Variants in RGL1 observed in about 807,000 individuals in gnomAD.
The protein encoded by RGL1 is ral guanine nucleotide dissociation stimulator like 1.
A neutral mutation model predicts 95.2 loss-of-function variants in RGL1; 24 were observed. The observed-to-expected ratio is 0.25, with a 90% CI of 0.18 to 0.35. The LOEUF (loss-of-function observed/expected upper bound fraction) is 0.35. RGL1 is among the 10% of genes least tolerant of loss of function. RGL1 has a pLI of 1.00. For missense variants in RGL1, 715 were observed against 936.3 expected (o/e 0.76, Z 3.08); for synonymous variants, 329 against 344.9 (o/e 0.95, Z 0.51).
intron 1 of RGL1, chr1:183,647,770 T>C (rs1650400949): frequency 6.2e-7 from 1 of 1,614,232 alleles, no homozygotes; most frequent in African/African-American, 1.3e-5. Context: ...GACCTTCCAG[T>C]GGGAAGCCTT....
chr1:183,916,101 C>T (rs187838443), intron 15 of RGL1, among the ~76,000 whole-genome samples: 2 of 152,220 alleles, frequency 1.3e-5, no homozygotes, highest in Non-Finnish European at 2.9e-5. Context: ...CCTCCAGCCC[C>T]GTAAGCTTCT....
intron 2 of RGL1, among the ~76,000 whole-genome samples, chr1:183,782,121 G>C (rs540990996): frequency 6.6e-6 from 1 of 152,308 alleles, no homozygotes; most frequent in Admixed American, 6.5e-5. Context: ...TGCTTGGCCA[G>C]AAAAGGATGT....
At chr1:183,735,264 T>C (rs893082951) in intron 1 of RGL1, among the ~76,000 whole-genome samples, 2 of 152,190 alleles carry the variant, frequency 1.3e-5, no homozygotes, top group Non-Finnish European at 2.9e-5. Context: ...ACAGACAGTA[T>C]TGTGCAACCT....
chr1:183,666,350 C>G (rs1344150214), intron 1 of RGL1, among the ~76,000 whole-genome samples: 1 of 151,798 alleles, frequency 6.6e-6, no homozygotes, highest in Non-Finnish European at 1.5e-5. Flanking sequence ...TATATATTTC[C>G]ATCTAATTAT....
At chr1:183,807,555 A>G (rs1284397812) in intron 2 of RGL1, among the ~76,000 whole-genome samples, 1 of 152,090 alleles carries the variant, frequency 6.6e-6, no homozygotes. Context: ...GTGACTTGTA[A>G]CTCCAGGGAG....
At chr1:183,880,464 C>T (rs931756277) in intron 4 of RGL1, 152 bp from the exon 5 acceptor site, 7 of 588,580 alleles carry the variant, frequency 1.2e-5, no homozygotes, top group African/African-American at 1.1e-4. Context: ...GCTTTAAATC[C>T]ATTGATGTTT....
chr1:183,854,931 A>T (rs886318994), intron 3 of RGL1, among the ~76,000 whole-genome samples: 1 of 152,170 alleles, frequency 6.6e-6, no homozygotes, highest in African/African-American at 2.4e-5. Flanking sequence ...TGCTTAAGAG[A>T]TTACTATTAC....
chr1:183,645,298 T>C (rs12042704), intron 1 of RGL1, among the ~76,000 whole-genome samples: 12,422 of 152,286 alleles, frequency 0.082, 996 homozygotes, highest in African/African-American at 0.21. Context: ...AACCTGCTTC[T>C]GATGAGTAAA....
At chr1:183,875,449 C>G (rs1037470337) in intron 4 of RGL1, among the ~76,000 whole-genome samples, 1 of 152,230 alleles carries the variant, frequency 6.6e-6, no homozygotes, top group Non-Finnish European at 1.5e-5. Flanking sequence ...CCTCAGCCCT[C>G]TCTGCATTGC....
intron 3 of RGL1, among the ~76,000 whole-genome samples, chr1:183,852,582 G>C (rs1664889654): frequency 6.6e-6 from 1 of 152,168 alleles, no homozygotes; most frequent in Non-Finnish European, 1.5e-5. Context: ...GGGAGGCTGA[G>C]GCAGGTGGAT....
rs183048982 is a variant in RGL1, at chr1:183,807,020, C to T, written c.138+535C>T. 1.6e-3 allele frequency among the ~76,000 whole-genome samples: 238 copies of T among 152,240 alleles called. 1 individual carries two copies. The highest frequency in any genetic ancestry group is 5.4e-3 in the African/African-American group (226 of 41,536). On this transcript the variant is annotated intron_variant, in intron 2 of 17. Coordinates refer to ENST00000360851, the MANE Select transcript of RGL1 (RefSeq NM_001297671.3). ...GGAGGAGGCAAATGGATGCTTAGTA[C>T]CCACTACTTTGTGTGTAGAGTGGTG... is the stretch of plus-strand genomic sequence containing the variant.
chr1:183,697,090 T>G (rs1244733202), intron 1 of RGL1, among the ~76,000 whole-genome samples: 1 of 152,206 alleles, frequency 6.6e-6, no homozygotes, highest in Non-Finnish European at 1.5e-5. Context: ...ATGGCCTACG[T>G]GATCTGTAGT....
chr1:183,813,362 A>C (rs1051148653), intron 2 of RGL1, among the ~76,000 whole-genome samples: 11 of 152,232 alleles, frequency 7.2e-5, no homozygotes, highest in Non-Finnish European at 1.5e-4. Flanking sequence ...TACTGTCAGA[A>C]GGCTTGGCAG....
At chr1:183,677,683 T>C (rs1363251621) in intron 1 of RGL1, among the ~76,000 whole-genome samples, 1 of 152,218 alleles carries the variant, frequency 6.6e-6, no homozygotes, top group Non-Finnish European at 1.5e-5. Flanking sequence ...ATTGAACCTT[T>C]ATTATGTGCA....
intron 1 of RGL1, among the ~76,000 whole-genome samples, chr1:183,638,126 A>T (rs1274920792): frequency 1.3e-5 from 2 of 152,144 alleles, no homozygotes; most frequent in East Asian, 1.9e-4. Flanking sequence ...TTATTTAGGA[A>T]ATTTTTTATT....
chr1:183,655,403 T>C (rs2102009627), intron 1 of RGL1, among the ~76,000 whole-genome samples: 1 of 152,368 alleles, frequency 6.6e-6, no homozygotes. Context: ...AATTATATAA[T>C]TCATCACTTT....
intron 1 of RGL1, among the ~76,000 whole-genome samples, chr1:183,636,715 C>A (rs1268253752): frequency 6.6e-6 from 1 of 151,856 alleles, no homozygotes; most frequent in Non-Finnish European, 1.5e-5. Flanking sequence ...GGAAACCAGA[C>A]CTTTAAGATT....
At chr1:183,647,684 C>T in intron 1 of RGL1, 3 of 1,593,686 alleles carry the variant, frequency 1.9e-6, no homozygotes, top group Non-Finnish European at 1.7e-6. Flanking sequence ...GATTTTATTT[C>T]TTCCCTTTCT....
At chr1:183,811,056 T>C (rs888651155) in intron 2 of RGL1, among the ~76,000 whole-genome samples, 1 of 152,206 alleles carries the variant, frequency 6.6e-6, no homozygotes, top group Non-Finnish European at 1.5e-5. Flanking sequence ...TTTATAAGTA[T>C]GAATGCATAG....
Sources: gnomAD v4.1 joint callset for allele counts (sites outside exome capture counted in the v4.1 genomes callset) on GRCh38, gnomAD v4.1.1 for gene constraint, MANE v1.5 for transcripts, NCBI Gene and HGNC (gene_info 2026-07-23, HGNC 2026-07-21) for gene names.